Variants in PCDH15 observed in about 807,000 individuals in gnomAD.
PCDH15 encodes protocadherin-15.
PCDH15 carries 129 observed loss-of-function variants against 178.5 expected under a neutral mutation model. The observed-to-expected ratio is 0.72, with a 90% confidence interval of 0.63 to 0.84. PCDH15 has a LOEUF of 0.84. Ranked by LOEUF, PCDH15 falls within the 40% of genes least tolerant of loss-of-function variation. PCDH15 has a pLI of 0.00. For synonymous variants in PCDH15, 800 were observed against 732.0 expected, an observed-to-expected ratio of 1.09 and a Z score of -1.50; for missense variants, 2,230 against 2,099.9, an observed-to-expected ratio of 1.06 and a Z score of -1.21.
At chr10:55,252,137 T>C (rs1484466896) in intron 1 of PCDH15, among the ~76,000 whole-genome samples, 1 of 152,218 alleles carries the variant, frequency 6.6e-6, no homozygotes, top group Non-Finnish European at 1.5e-5. Flanking sequence ...AAATGATATT[T>C]GTTCCACCAA....
Position 54,664,190 on chromosome 10 carries a change from A to G in PCDH15, c.73T>C (p.Leu25=), listed in dbSNP as rs749697716. The G allele has an allele frequency of 1.2e-6, 2 of 1,612,184 alleles. No homozygotes were observed. Among genetic ancestry groups the G allele is most frequent in the African/African-American group, 1.3e-5 (1 of 74,850 alleles). ...IILGSLFEIC[L]GQYDDDCKLA... ...ACCTTACCATCATCATACTGGCCCA[A>G]GCAGATTTCAAAGAGAGAGCCCAGG... Residue 25 remains leucine (L), a synonymous_variant, in exon 2 of 38, where the codon TTG becomes CTG. Coordinates refer to ENST00000644397, the MANE Select transcript of PCDH15 (RefSeq NM_001384140.1).
At chr10:53,808,423 C>T in intron 37 of PCDH15, 1 of 1,160,712 alleles carries the variant, frequency 8.6e-7, no homozygotes, top group Non-Finnish European at 1.1e-6. Context: ...AAAAATCCTA[C>T]CAGTAAATAT....
At chr10:54,072,595 G>A (rs866214186) in intron 17 of PCDH15, among the ~76,000 whole-genome samples, 1 of 152,166 alleles carries the variant, frequency 6.6e-6, no homozygotes, top group African/African-American at 2.4e-5. Flanking sequence ...ATCCCCTACT[G>A]CCACTTTGGA....
chr10:53,859,543 T>C (rs1453276929), intron 27 of PCDH15, among the ~76,000 whole-genome samples: 1 of 152,108 alleles, frequency 6.6e-6, no homozygotes, highest in Non-Finnish European at 1.5e-5. Flanking sequence ...AGATCCGTAC[T>C]ATTAGTATCC....
At chr10:54,644,872 C>T (rs1284611922) in intron 2 of PCDH15, among the ~76,000 whole-genome samples, 1 of 152,064 alleles carries the variant, frequency 6.6e-6, no homozygotes, top group African/African-American at 2.4e-5. Flanking sequence ...ACTAACTAGG[C>T]CCTTTTGCCC....
chr10:54,735,767 C>T (rs1944024188), intron 1 of PCDH15, among the ~76,000 whole-genome samples: 1 of 114,352 alleles, frequency 8.7e-6, no homozygotes, highest in Non-Finnish European at 1.8e-5. Context: ...ATCGCAAGAA[C>T]AAAAAACCAA....
chr10:54,049,196 C>T (rs1197685691), intron 18 of PCDH15, among the ~76,000 whole-genome samples: 1 of 152,082 alleles, frequency 6.6e-6, no homozygotes, highest in Non-Finnish European at 1.5e-5. Flanking sequence ...CATAAAAATG[C>T]CACTGATTTT....
intron 1 of PCDH15, among the ~76,000 whole-genome samples, chr10:54,788,261 A>G (rs975348090): frequency 1.1e-4 from 16 of 151,948 alleles, no homozygotes; most frequent in African/African-American, 3.9e-4. Context: ...AGTAGACGAA[A>G]TAAGATTATA....
chr10:53,910,878 A>G (rs2083039576), intron 25 of PCDH15, among the ~76,000 whole-genome samples: 1 of 152,230 alleles, frequency 6.6e-6, no homozygotes, highest in Non-Finnish European at 1.5e-5. Flanking sequence ...ACAAGCTTCA[A>G]TAGCCATTTT....
intron 1 of PCDH15, among the ~76,000 whole-genome samples, chr10:55,284,282 T>A (rs924157960): frequency 1.3e-5 from 2 of 152,058 alleles, no homozygotes; most frequent in Non-Finnish European, 2.9e-5. Context: ...TAAATCAGGA[T>A]GGACAGCCGA....
chr10:54,327,610 T>C (rs1035126525), intron 7 of PCDH15, among the ~76,000 whole-genome samples: 1 of 151,956 alleles, frequency 6.6e-6, no homozygotes, highest in Admixed American at 6.6e-5. Flanking sequence ...CACATACACA[T>C]TCTGTGTCAG....
chr10:54,738,226 G>C (rs571202608), intron 1 of PCDH15, among the ~76,000 whole-genome samples: 2 of 152,124 alleles, frequency 1.3e-5, no homozygotes, highest in Admixed American at 1.3e-4. Context: ...GCAGATAAAT[G>C]TATAGCTTGA....
At chr10:54,231,496 G>C (rs576633369) in intron 9 of PCDH15, among the ~76,000 whole-genome samples, 2 of 152,224 alleles carry the variant, frequency 1.3e-5, no homozygotes, top group African/African-American at 4.8e-5. Flanking sequence ...ATGTGAGGTG[G>C]GAGCCCCCAC....
intron 2 of PCDH15, among the ~76,000 whole-genome samples, chr10:55,087,013 T>C (rs1842187754): frequency 6.6e-6 from 1 of 152,094 alleles, no homozygotes; most frequent in African/African-American, 2.4e-5. Context: ...TTTATATCAA[T>C]TATAAAATCA....
intron 1 of PCDH15, among the ~76,000 whole-genome samples, chr10:54,717,447 A>C (rs113086875): frequency 1.4e-5 from 2 of 143,356 alleles, no homozygotes; most frequent in Admixed American, 1.4e-4. Flanking sequence ...AAAAGTGGGC[A>C]AAGGACATGA....
At chr10:54,958,840 A>C (rs1838564712) in intron 2 of PCDH15, among the ~76,000 whole-genome samples, 1 of 151,830 alleles carries the variant, frequency 6.6e-6, no homozygotes, top group Admixed American at 6.6e-5. Flanking sequence ...TCATAAAAGA[A>C]AAGACATCCC....
At chr10:54,496,781 C>T (rs1372426248) in intron 3 of PCDH15, among the ~76,000 whole-genome samples, 5 of 152,066 alleles carry the variant, frequency 3.3e-5, no homozygotes, top group Admixed American at 6.6e-5. Context: ...AAATTTCAAA[C>T]ATATATTTAA....
chr10:54,772,811 C>T (rs1207678838), intron 1 of PCDH15, among the ~76,000 whole-genome samples: 3 of 152,102 alleles, frequency 2.0e-5, no homozygotes, highest in Admixed American at 2.0e-4. Context: ...AAGACACATG[C>T]ATGCATATGT....
chr10:53,912,140 A>G (rs927737627), intron 25 of PCDH15, among the ~76,000 whole-genome samples: 3 of 152,238 alleles, frequency 2.0e-5, no homozygotes, highest in African/African-American at 7.2e-5. Flanking sequence ...GGCTGGTTCA[A>G]CATACACAAA....
Sources: gnomAD v4.1 joint callset for allele counts (sites outside exome capture counted in the v4.1 genomes callset) on GRCh38, gnomAD v4.1.1 for gene constraint, MANE v1.5 for transcripts, NCBI Gene and HGNC (gene_info 2026-07-23, HGNC 2026-07-21) for gene names.